RPTOR: variants seen among roughly 807,000 people sequenced by gnomAD.
The protein encoded by RPTOR is regulatory associated protein of MTOR complex 1.
Under a neutral mutation model 169.9 loss-of-function variants are expected in RPTOR, and 21 were observed. The observed-to-expected ratio is 0.12, with a 90% CI of 0.09 to 0.18. The LOEUF is 0.18. Ranked by LOEUF, RPTOR falls within the 10% of genes least tolerant of loss-of-function variation. The pLI is 1.00. For missense variants in RPTOR, 1,133 were observed against 1,855.9 expected (o/e 0.61, Z 7.16); for synonymous variants, 732 against 753.2 (o/e 0.97, Z 0.46).
intron 3 of RPTOR, among the ~76,000 whole-genome samples, chr17:80,704,841 T>C (rs924517571): frequency 1.1e-4 from 16 of 152,242 alleles, no homozygotes; most frequent in Admixed American, 3.9e-4. Context: ...TAGCTGCACA[T>C]GAATGTATAG....
intron 25 of RPTOR, among the ~76,000 whole-genome samples, chr17:80,943,398 G>A (rs185436967): frequency 6.6e-6 from 1 of 152,358 alleles, no homozygotes; most frequent in East Asian, 1.9e-4. Flanking sequence ...ACTTTGAAGG[G>A]TGGGAAGGGC....
At chr17:80,742,922 G>A (rs2066499074) in intron 5 of RPTOR, among the ~76,000 whole-genome samples, 1 of 149,966 alleles carries the variant, frequency 6.7e-6, no homozygotes, top group Non-Finnish European at 1.5e-5. Flanking sequence ...GCTCATACAT[G>A]CACATCTACA....
rs897228535 is a variant in RPTOR at position 80,867,267 on chromosome 17, G to A, written c.1509+9367G>A. On this transcript the variant is annotated intron_variant, in intron 13 of 33. Transcript: ENST00000306801. ...TATTTTTAAAGAGAGAAAAGTCCAT[G>A]TAATTTACCATATTAAAAAAAGATG... is the stretch of plus-strand genomic sequence containing the variant. 2.6e-5 allele frequency among the ~76,000 whole-genome samples: 4 copies of A among 151,720 alleles called. No individual in the cohort carries two copies. The South Asian group carries it at 6.2e-4, about 24-fold the overall frequency.
intron 10 of RPTOR, among the ~76,000 whole-genome samples, chr17:80,842,293 T>C (rs1216413154): frequency 6.6e-6 from 1 of 152,232 alleles, no homozygotes; most frequent in Middle Eastern, 3.2e-3. Flanking sequence ...TTTTTATTTT[T>C]GTAAATATTG....
chr17:80,701,488 A>C (rs1372152512), intron 3 of RPTOR, among the ~76,000 whole-genome samples: 1 of 152,228 alleles, frequency 6.6e-6, no homozygotes, highest in Non-Finnish European at 1.5e-5. Context: ...GCAGGGAAGA[A>C]GGTCAGGTCC....
intron 14 of RPTOR, 129 bp downstream of exon 14, chr17:80,880,618 C>T (rs555959091): frequency 3.0e-5 from 23 of 775,946 alleles, no homozygotes; most frequent in East Asian, 2.7e-4. Flanking sequence ...GCAGGGGCCA[C>T]GTCCACGGGG....
At chr17:80,627,196 T>C (rs891192442) in intron 2 of RPTOR, among the ~76,000 whole-genome samples, 17 of 152,204 alleles carry the variant, frequency 1.1e-4, no homozygotes, top group Admixed American at 7.9e-4. Flanking sequence ...ATTTTTGTAT[T>C]TTTAGTAGAG....
At chr17:80,676,223 G>A (rs1048589268) in intron 3 of RPTOR, among the ~76,000 whole-genome samples, 13 of 152,222 alleles carry the variant, frequency 8.5e-5, no homozygotes, top group Admixed American at 5.9e-4. Context: ...CTGCTTTATC[G>A]ATATGGAAAG....
chr17:80,802,997 C>G (rs1211906647), intron 7 of RPTOR: 1 of 152,560 alleles, frequency 6.6e-6, no homozygotes, highest in Non-Finnish European at 1.5e-5. Flanking sequence ...TCTGTTGCTC[C>G]AGCTCCATTG....
chr17:80,853,842 A>C (rs2067822692), intron 11 of RPTOR, among the ~76,000 whole-genome samples: 1 of 152,158 alleles, frequency 6.6e-6, no homozygotes, highest in Non-Finnish European at 1.5e-5. Flanking sequence ...TTAGCCGGTC[A>C]TGGTGGCAGG....
intron 1 of RPTOR, among the ~76,000 whole-genome samples, chr17:80,616,298 CTT>C (rs201229448): frequency 1.6e-3 from 177 of 113,266 alleles, no homozygotes; most frequent in Middle Eastern, 5.1e-3. Flanking sequence ...AATTGAAAAT[CTT>C]TTTTTTTTTT....
At chr17:80,757,912 T>C (rs2066697226) in intron 6 of RPTOR, among the ~76,000 whole-genome samples, 1 of 152,164 alleles carries the variant, frequency 6.6e-6, no homozygotes, top group Non-Finnish European at 1.5e-5. Flanking sequence ...CTCTCTGTAC[T>C]GTATGTCTGA....
intron 1 of RPTOR, among the ~76,000 whole-genome samples, chr17:80,602,128 T>G (rs2065191770): frequency 1.5e-5 from 1 of 64,924 alleles, no homozygotes; most frequent in Non-Finnish European, 3.5e-5. Flanking sequence ...GGCTCCTCAC[T>G]TCCCAGTAGG....
intron 1 of RPTOR, among the ~76,000 whole-genome samples, chr17:80,589,720 A>G (rs899013411): frequency 2.0e-5 from 3 of 152,188 alleles, no homozygotes; most frequent in Admixed American, 6.5e-5. Flanking sequence ...TCTGGTGCAT[A>G]GGAATGCAGT....
At chr17:80,805,988 TA>T (rs2067214767) in intron 7 of RPTOR, among the ~76,000 whole-genome samples, 1 of 152,232 alleles carries the variant, frequency 6.6e-6, no homozygotes, top group African/African-American at 2.4e-5. Context: ...AAGTCTGTAC[TA>T]GGGGAACCAT....
At chr17:80,799,784 C>G (rs989644795) in intron 7 of RPTOR, among the ~76,000 whole-genome samples, 1 of 152,022 alleles carries the variant, frequency 6.6e-6, no homozygotes, top group African/African-American at 2.4e-5. Context: ...CTTCCCTCCC[C>G]GGCGACCCTC....
At chr17:80,944,044 G>A (rs2069067934) in intron 25 of RPTOR, among the ~76,000 whole-genome samples, 2 of 152,242 alleles carry the variant, frequency 1.3e-5, no homozygotes. Flanking sequence ...TCACCAGGAT[G>A]TGTTGGAATC....
At chr17:80,787,229 G>A (rs2067002082) in intron 6 of RPTOR, among the ~76,000 whole-genome samples, 2 of 152,074 alleles carry the variant, frequency 1.3e-5, no homozygotes. Context: ...TGATTTTGAG[G>A]ACTCTTTTAA....
chr17:80,590,799 A>T (rs763054977), intron 1 of RPTOR, among the ~76,000 whole-genome samples: 2 of 152,136 alleles, frequency 1.3e-5, no homozygotes, highest in Non-Finnish European at 2.9e-5. Flanking sequence ...TTGGGTTTTA[A>T]CACCAAGGTC....
Sources: gnomAD v4.1 joint callset for allele counts (sites outside exome capture counted in the v4.1 genomes callset) on GRCh38, gnomAD v4.1.1 for gene constraint, MANE v1.5 for transcripts, NCBI Gene and HGNC (gene_info 2026-07-23, HGNC 2026-07-21) for gene names.